PIGK: variants seen among roughly 807,000 people sequenced by gnomAD.
The protein encoded by PIGK is GPI-anchor transamidase.
PIGK carries 42 observed loss-of-function variants against 50.6 expected under a neutral mutation model. The ratio of observed to expected loss-of-function variants is 0.83; its 90% CI spans 0.65 to 1.07. The LOEUF (loss-of-function observed/expected upper bound fraction) is 1.07, where lower values mean the gene tolerates loss of function less well. Among genes scored for constraint, PIGK ranks in the 50% least tolerant of loss-of-function variants. The pLI is 0.00. For missense variants in PIGK, 448 were observed against 488.7 expected, an observed-to-expected ratio of 0.92 and a Z score of 0.78; for synonymous variants, 151 against 156.0, an observed-to-expected ratio of 0.97 and a Z score of 0.24.
At chr1:77,180,748 G>A (rs542852393) in intron 3 of PIGK, among the ~76,000 whole-genome samples, 2 of 152,232 alleles carry the variant, frequency 1.3e-5, no homozygotes, top group South Asian at 4.1e-4. Flanking sequence ...AGGTAGATAA[G>A]AGACAAATGG....
Position 77,128,278 on chromosome 1 carries a change from A to G in PIGK, c.987-5919T>C, listed in dbSNP as rs552110456. On this transcript the variant is annotated intron_variant, in intron 9 of 10. Coordinates refer to ENST00000370812, the MANE Select transcript of PIGK (RefSeq NM_005482.3). ...CAAGAAAGATGGTAAGCCAGGGAAA[A>G]AAGACATAATATGAGGCAGAGAACA... Among the ~76,000 whole-genome samples the G allele has an allele frequency of 2.6e-5, 4 of 152,312 alleles. No homozygotes were observed. The South Asian group carries it at 8.3e-4, about 32-fold the overall frequency.
chr1:77,213,481 G>T (rs916956248), intron 1 of PIGK, among the ~76,000 whole-genome samples: 6 of 151,944 alleles, frequency 3.9e-5, no homozygotes, highest in Non-Finnish European at 8.8e-5. Flanking sequence ...GGTCAAAGAA[G>T]AAATTAATAA....
intron 3 of PIGK, among the ~76,000 whole-genome samples, chr1:77,177,870 T>C (rs1456005695): frequency 6.6e-6 from 1 of 152,168 alleles, no homozygotes; most frequent in African/African-American, 2.4e-5. Flanking sequence ...GAAAGATTCC[T>C]CCACACTCTT....
intron 3 of PIGK, among the ~76,000 whole-genome samples, chr1:77,201,796 C>T (rs1410252798): frequency 1.3e-5 from 2 of 152,032 alleles, no homozygotes; most frequent in Non-Finnish European, 1.5e-5. Context: ...TGGCTCAGTG[C>T]CTGTAATCCC....
chr1:77,199,179 A>C (rs1433612624), intron 3 of PIGK, among the ~76,000 whole-genome samples: 1 of 151,960 alleles, frequency 6.6e-6, no homozygotes, highest in Non-Finnish European at 1.5e-5. Context: ...TTCTCCTTTT[A>C]CCTTGTCACT....
At position 77,107,117 on chromosome 1, in the gene PIGK, TTGCCTTC is replaced by T. The variant is rs1254107171; in HGVS notation, c.1072-14634_1072-14628del. ...GTTCTGCTCTGATCTTAGTTATTTC[TTGCCTTC>T]TGCTAGCTTTTGAATGTGTTTACTC... On this transcript the variant is annotated intron_variant, in intron 10 of 10. Transcript: ENST00000370812. Among the ~76,000 whole-genome samples the T allele has an allele frequency of 3.9e-5, 6 of 152,360 alleles. No individual in the cohort carries two copies. In the East Asian group the frequency reaches 1.2e-3, roughly 29 times the overall value.
chr1:77,157,538 A>G (rs921497848), intron 8 of PIGK, among the ~76,000 whole-genome samples: 2 of 152,236 alleles, frequency 1.3e-5, no homozygotes, highest in Non-Finnish European at 2.9e-5. Context: ...TATAAAATGT[A>G]CAATCCAAAA....
intron 9 of PIGK, among the ~76,000 whole-genome samples, chr1:77,138,161 GAATTTTGCA>G (rs1654565458): frequency 6.6e-6 from 1 of 152,132 alleles, no homozygotes; most frequent in Admixed American, 6.6e-5. Context: ...AAAAGTGAGG[GAATTTTGCA>G]AATATAATTA....
chr1:77,213,774 A>G (rs1656480520), intron 1 of PIGK, among the ~76,000 whole-genome samples: 2 of 152,158 alleles, frequency 1.3e-5, no homozygotes, highest in Non-Finnish European at 2.9e-5. Flanking sequence ...TAAAAAAATA[A>G]ACAATATCAA....
chr1:77,158,458 T>C (rs551809198), intron 8 of PIGK, among the ~76,000 whole-genome samples: 1 of 152,288 alleles, frequency 6.6e-6, no homozygotes, highest in East Asian at 1.9e-4. Context: ...GAAGTAACTT[T>C]GGTACTGGGT....
chr1:77,180,032 A>C (rs1655576208), intron 3 of PIGK, among the ~76,000 whole-genome samples: 1 of 152,138 alleles, frequency 6.6e-6, no homozygotes, highest in East Asian at 1.9e-4. Context: ...AAGACTCAAA[A>C]AAAGAAGCTA....
intron 10 of PIGK, among the ~76,000 whole-genome samples, chr1:77,099,388 G>A (rs1354300054): frequency 6.6e-6 from 1 of 152,024 alleles, no homozygotes; most frequent in Non-Finnish European, 1.5e-5. Flanking sequence ...CAATGAGTAT[G>A]TCTTACTTTA....
At chr1:77,205,427 T>G (rs143069185) in intron 3 of PIGK, among the ~76,000 whole-genome samples, 108 of 151,644 alleles carry the variant, frequency 7.1e-4, no homozygotes, top group African/African-American at 2.5e-3. Flanking sequence ...ATTATAGTTT[T>G]GTCAGTTACT....
chr1:77,140,647 GAT>G (rs753711723), intron 9 of PIGK, among the ~76,000 whole-genome samples: 16 of 151,882 alleles, frequency 1.1e-4, no homozygotes, highest in South Asian at 8.4e-4. Flanking sequence ...CTAATTTCTG[GAT>G]ATTCAAGGTT....
chr1:77,154,708 G>T, intron 8 of PIGK, 87 bp from the exon 9 acceptor site: 4 of 872,772 alleles, frequency 4.6e-6, no homozygotes, highest in East Asian at 5.4e-5. Context: ...AAACTATAGT[G>T]TATTTTTAAA....
chr1:77,194,133 A>G (rs1655975390), intron 3 of PIGK, among the ~76,000 whole-genome samples: 3 of 152,232 alleles, frequency 2.0e-5, no homozygotes, highest in Admixed American at 1.3e-4. Context: ...CCACAGTAAG[A>G]TACCATCTCA....
intron 6 of PIGK, 44 bp downstream of exon 6, chr1:77,163,802 T>C (rs764422305): frequency 2.0e-6 from 2 of 988,774 alleles, no homozygotes; most frequent in South Asian, 3.0e-5. Context: ...ATGTGAAAAT[T>C]AGGTATGAAT....
chr1:77,116,595 TGC>T (rs1291014581), intron 10 of PIGK, among the ~76,000 whole-genome samples: 5,545 of 92,164 alleles, frequency 0.06, 343 homozygotes, highest in African/African-American at 0.26. Flanking sequence ...TGTGTGTGTG[TGC>T]GCGTGTGTGT....
At chr1:77,130,189 C>CTTT (rs67252426) in intron 9 of PIGK, among the ~76,000 whole-genome samples, 3,680 of 103,870 alleles carry the variant, frequency 0.035, 283 homozygotes, top group African/African-American at 0.11. Flanking sequence ...TTTGCATTGT[C>CTTT]TTTTTTTTTT....
Sources: allele counts gnomAD v4.1 joint callset (sites outside exome capture counted in the v4.1 genomes callset), GRCh38; gene constraint gnomAD v4.1.1; transcripts MANE v1.5; gene names NCBI Gene and HGNC (gene_info 2026-07-23, HGNC 2026-07-21).